CAB39: variants seen among roughly 807,000 people sequenced by gnomAD.
CAB39 encodes the protein calcium binding protein 39.
CAB39 carries 8 observed loss-of-function variants against 40.0 expected under a neutral mutation model. The ratio of observed to expected loss-of-function variants is 0.20; its 90% CI spans 0.12 to 0.36. The LOEUF (loss-of-function observed/expected upper bound fraction) is 0.36, where lower values mean the gene tolerates loss of function less well. CAB39 is among the 10% of genes least tolerant of loss of function. The pLI is 1.00. For synonymous variants in CAB39, 156 were observed against 141.6 expected, an observed-to-expected ratio of 1.10 and a Z score of -0.72; for missense variants, 270 against 401.1, an observed-to-expected ratio of 0.67 and a Z score of 2.79.
chr2:230,771,839 T>C (rs1245168536), intron 2 of CAB39, among the ~76,000 whole-genome samples: 3 of 152,234 alleles, frequency 2.0e-5, no homozygotes, highest in Non-Finnish European at 4.4e-5. Flanking sequence ...AATGCAGTTG[T>C]GCAGAAAGAA....
At chr2:230,737,049 TAGTTACATA>T (rs1284860933) in intron 1 of CAB39, among the ~76,000 whole-genome samples, 7 of 152,218 alleles carry the variant, frequency 4.6e-5, no homozygotes, top group Non-Finnish European at 7.3e-5. Context: ...ATTTCAAATC[TAGTTACATA>T]AGTTGACTTG....
intron 6 of CAB39, among the ~76,000 whole-genome samples, chr2:230,812,720 G>A (rs1158674998): frequency 2.0e-5 from 3 of 152,176 alleles, no homozygotes; most frequent in Non-Finnish European, 4.4e-5. Context: ...CCAAGAGGCA[G>A]GCAGAAGAAA....
At chr2:230,719,171 C>T (rs960156269) in intron 1 of CAB39, among the ~76,000 whole-genome samples, 1 of 152,106 alleles carries the variant, frequency 6.6e-6, no homozygotes, top group African/African-American at 2.4e-5. Flanking sequence ...AATTAGTTAG[C>T]TTGGGGGAAC....
intron 4 of CAB39, among the ~76,000 whole-genome samples, chr2:230,796,782 A>C (rs1051292769): frequency 6.6e-6 from 1 of 152,148 alleles, no homozygotes; most frequent in Non-Finnish European, 1.5e-5. Context: ...ATAGGACTTA[A>C]GATGGGAGTT....
chr2:230,769,552 T>C (rs544142475), intron 2 of CAB39, among the ~76,000 whole-genome samples: 1 of 152,322 alleles, frequency 6.6e-6, no homozygotes, highest in Non-Finnish European at 1.5e-5. Flanking sequence ...GATAAAGTTA[T>C]ACAATGGATG....
intron 2 of CAB39, among the ~76,000 whole-genome samples, chr2:230,782,789 G>GTTTCTTTCTTTCTTTC (rs375221449): frequency 1.6e-4 from 19 of 118,012 alleles, no homozygotes; most frequent in Non-Finnish European, 2.7e-4. Flanking sequence ...ACAGACTGCT[G>GTTTCTTTCTTTCTTTC]TTTCTTTCTT....
At chr2:230,761,887 A>ATTT (rs772949986) in intron 2 of CAB39, among the ~76,000 whole-genome samples, 35 of 117,688 alleles carry the variant, frequency 3.0e-4, no homozygotes, top group African/African-American at 9.8e-4. Flanking sequence ...TTTGTTTTTT[A>ATTT]TTTGTTGTTG....
At chr2:230,771,832 G>A (rs1695487750) in intron 2 of CAB39, among the ~76,000 whole-genome samples, 1 of 152,216 alleles carries the variant, frequency 6.6e-6, no homozygotes, top group Admixed American at 6.5e-5. Flanking sequence ...AGGCATAAAT[G>A]CAGTTGTGCA....
chr2:230,745,740 C>T (rs1174062576), intron 1 of CAB39, among the ~76,000 whole-genome samples: 1 of 152,072 alleles, frequency 6.6e-6, no homozygotes, highest in Non-Finnish European at 1.5e-5. Context: ...GATTCTCCTG[C>T]CTCAGCCTCC....
Position 230,810,304 on chromosome 2 carries a change from G to T in CAB39, c.609G>T (p.Leu203Phe). The change falls in exon 6 of 9, where the codon TTG (leucine) becomes TTT (phenylalanine). Residue 203 changes from leucine (L) to phenylalanine (F), a missense_variant. Coordinates refer to ENST00000258418, the MANE Select transcript of CAB39 (RefSeq NM_016289.4). The stretch of plus-strand genomic sequence containing the variant: ...ATAAATTGCTCAGTGCAGAATTTTT[G>T]GAACAGCATTATGATAGAGTAAGTA... The part of the protein sequence containing the change: ...TRHKLLSAEF[L>F]EQHYDRFFSE... The T allele has an allele frequency of 7.1e-7, 1 of 1,404,110 alleles. No homozygotes were observed. Among genetic ancestry groups the T allele is most frequent in the East Asian group, 2.4e-5 (1 of 41,666 alleles). The allele number at this position is 1,404,110 out of a possible 1,614,324, so 87.0% of individuals were successfully genotyped here.
intron 1 of CAB39, among the ~76,000 whole-genome samples, chr2:230,721,405 T>G (rs1311079031): frequency 6.6e-6 from 1 of 152,182 alleles, no homozygotes; most frequent in Admixed American, 6.5e-5. Flanking sequence ...CGCTCCAGCC[T>G]GGGCAACAGA....
chr2:230,727,730 T>C (rs1694612422), intron 1 of CAB39, among the ~76,000 whole-genome samples: 1 of 152,058 alleles, frequency 6.6e-6, no homozygotes, highest in African/African-American at 2.4e-5. Flanking sequence ...TCATGGAATA[T>C]ATTAAATATA....
At chr2:230,725,436 C>T (rs1694547845) in intron 1 of CAB39, 6 of 1,545,184 alleles carry the variant, frequency 3.9e-6, no homozygotes, top group Admixed American at 3.4e-5. Flanking sequence ...CTTCAGTTCC[C>T]GTAACGGTTC....
intron 1 of CAB39, among the ~76,000 whole-genome samples, chr2:230,733,282 C>A (rs1490384283): frequency 1.3e-5 from 2 of 152,096 alleles, no homozygotes; most frequent in African/African-American, 4.8e-5. Context: ...TCAGCAGTTG[C>A]AAGACTAGCT....
intron 1 of CAB39, among the ~76,000 whole-genome samples, chr2:230,756,017 G>C (rs1465360966): frequency 1.3e-5 from 2 of 152,170 alleles, no homozygotes; most frequent in South Asian, 4.1e-4. Flanking sequence ...GGTGGACCAG[G>C]CCCTTTGGAA....
chr2:230,720,438 T>C (rs1023051057), intron 1 of CAB39, among the ~76,000 whole-genome samples: 1 of 152,250 alleles, frequency 6.6e-6, no homozygotes, highest in Admixed American at 6.5e-5. Flanking sequence ...ACAAGTTGTT[T>C]GTTTGTTTGT....
At chr2:230,781,092 A>AG (rs1232986938) in intron 2 of CAB39, among the ~76,000 whole-genome samples, 8 of 151,934 alleles carry the variant, frequency 5.3e-5, no homozygotes, top group Non-Finnish European at 1.5e-5. Context: ...AAAAAAAAAA[A>AG]ATTATCTCGG....
chr2:230,771,552 T>TCCAGATG (rs1382853237), intron 2 of CAB39, among the ~76,000 whole-genome samples: 1 of 152,212 alleles, frequency 6.6e-6, no homozygotes, highest in African/African-American at 2.4e-5. Context: ...GTCACTTCTC[T>TCCAGATG]CCAGATGTAT....
chr2:230,780,309 G>A (rs773146911), intron 2 of CAB39, among the ~76,000 whole-genome samples: 4 of 152,156 alleles, frequency 2.6e-5, no homozygotes, highest in African/African-American at 7.2e-5. Context: ...AAATGTTAAC[G>A]TCTTTTATAA....
Sources: gnomAD v4.1 joint callset for allele counts (sites outside exome capture counted in the v4.1 genomes callset) on GRCh38, gnomAD v4.1.1 for gene constraint, MANE v1.5 for transcripts, NCBI Gene and HGNC (gene_info 2026-07-23, HGNC 2026-07-21) for gene names.